The following KSR1 variants were observed in gnomAD, a reference collection of about 807,000 sequenced individuals.
The protein encoded by KSR1 is kinase suppressor of ras.
KSR1 carries 35 observed loss-of-function variants against 92.9 expected under a neutral mutation model. That is an observed-to-expected ratio of 0.38 (90% CI 0.29 to 0.50). The LOEUF (loss-of-function observed/expected upper bound fraction) is 0.50, where lower values mean the gene tolerates loss of function less well. Among genes scored for constraint, KSR1 ranks in the 20% least tolerant of loss-of-function variants. The pLI is 0.94. For synonymous variants in KSR1, 467 were observed against 472.6 expected (o/e 0.99, Z 0.15); for missense variants, 972 against 1,158.5 (o/e 0.84, Z 2.34).
intron 2 of KSR1, among the ~76,000 whole-genome samples, chr17:27,553,876 G>C (rs972169698): frequency 5.3e-5 from 8 of 152,224 alleles, no homozygotes; most frequent in African/African-American, 1.9e-4. Context: ...ATGTGTGGAA[G>C]CCTAGTGATG....
At chr17:27,526,960 C>T in intron 1 of KSR1, 1 of 590,526 alleles carries the variant, frequency 1.7e-6, no homozygotes, top group Non-Finnish European at 3.1e-6. Flanking sequence ...TCTCTCCTTT[C>T]ATGGGCCATA....
At chr17:27,574,922 C>G (rs1017245591) in intron 2 of KSR1, among the ~76,000 whole-genome samples, 1 of 152,224 alleles carries the variant, frequency 6.6e-6, no homozygotes, top group Admixed American at 6.5e-5. Flanking sequence ...TCTCTCTGCT[C>G]TAGTGCGCAT....
intron 2 of KSR1, among the ~76,000 whole-genome samples, chr17:27,560,977 T>A (rs1047357739): frequency 2.0e-5 from 3 of 152,096 alleles, no homozygotes; most frequent in Non-Finnish European, 2.9e-5. Flanking sequence ...GCTCTCCACT[T>A]AGGATGGGGA....
At chr17:27,604,798 AG>A (rs2073694067) in intron 13 of KSR1, 70 bp downstream of exon 13, 1 of 1,477,874 alleles carries the variant, frequency 6.8e-7, no homozygotes. Context: ...CAGAATGCGC[AG>A]GGGGCTTGAG....
At chr17:27,622,497 C>T (rs766286824) in intron 20 of KSR1, 1 of 153,878 alleles carries the variant, frequency 6.5e-6, no homozygotes, top group African/African-American at 2.4e-5. Flanking sequence ...GCTCCTGTCT[C>T]AGTCCCCTCT....
intron 1 of KSR1, among the ~76,000 whole-genome samples, chr17:27,512,207 G>A (rs1473760961): frequency 2.6e-5 from 4 of 152,214 alleles, no homozygotes; most frequent in Non-Finnish European, 5.9e-5. Context: ...AATCTGTGGA[G>A]AAAATGTGTA....
chr17:27,591,719 A>G (rs564391291), intron 7 of KSR1, among the ~76,000 whole-genome samples: 2 of 152,264 alleles, frequency 1.3e-5, no homozygotes, highest in South Asian at 4.1e-4. Flanking sequence ...CACTTGGTTT[A>G]CATTAGGGAC....
At chr17:27,608,099 G>T (rs2073814288) in intron 15 of KSR1, 89 bp downstream of exon 15, 1 of 974,136 alleles carries the variant, frequency 1.0e-6, no homozygotes. Flanking sequence ...CCCTGTTAGG[G>T]TGGTTTGGGC....
At chr17:27,584,902 G>A (rs948971580) in intron 4 of KSR1, among the ~76,000 whole-genome samples, 2 of 152,094 alleles carry the variant, frequency 1.3e-5, no homozygotes, top group African/African-American at 4.8e-5. Context: ...TGTTATCTCT[G>A]CCCTCCTGTC....
rs778429175 is a variant in KSR1 at position 27,456,911 on chromosome 17, G to C, written c.231+37G>C. 2.1e-5 allele frequency: 16 copies of C among 775,216 alleles called. No homozygotes were observed. The Admixed American group carries it at 2.8e-4, about 13-fold the overall frequency. 48.0% of individuals were successfully genotyped at this position (775,216 alleles called of 1,614,324 possible). ...GGGGACCAGGCTGGGCTCGAGGAGC[G>C]GGCCCGGACACCTCCCTCCGGGCCC... On this transcript the variant is annotated intron_variant, in intron 1 of 20. Coordinates refer to ENST00000644974, the MANE Select transcript of KSR1 (RefSeq NM_001394583.1).
At chr17:27,529,538 T>C (rs1168627211) in intron 1 of KSR1, among the ~76,000 whole-genome samples, 1 of 152,262 alleles carries the variant, frequency 6.6e-6, no homozygotes, top group Non-Finnish European at 1.5e-5. Context: ...GCTCCTGCCA[T>C]GCTCCTGCCA....
intron 1 of KSR1, among the ~76,000 whole-genome samples, chr17:27,460,619 C>A (rs1161502070): frequency 2.0e-5 from 3 of 152,108 alleles, no homozygotes; most frequent in African/African-American, 7.2e-5. Flanking sequence ...GCCCTGGAGC[C>A]GCAGGGGGTC....
chr17:27,588,376 G>GC lies in KSR1; in HGVS notation c.986-93dup, dbSNP rs374032925. On this transcript the variant is annotated intron_variant, in intron 5 of 20. Coordinates refer to ENST00000644974, the MANE Select transcript of KSR1 (RefSeq NM_001394583.1). The stretch of plus-strand genomic sequence containing the variant: ...AGATGCTTATATAATAAACCATTGC[G>GC]CCCCCCTCTAGCCTGTGGTCTCTGA... 15 of 981,564 alleles carry GC rather than the reference G, an allele frequency of 1.5e-5. No homozygotes were observed. In the East Asian group the frequency reaches 3.6e-4, roughly 24 times the overall value. 60.8% of individuals were successfully genotyped at this position (981,564 alleles called of 1,614,324 possible).
chr17:27,482,913 C>T (rs1182493146), intron 1 of KSR1, among the ~76,000 whole-genome samples: 1 of 18,546 alleles, frequency 5.4e-5, no homozygotes, highest in Non-Finnish European at 8.9e-5. Flanking sequence ...AATAAACCTA[C>T]ATGTCTCGTG....
At position 27,509,089 on chromosome 17, in the gene KSR1, C is replaced by T. The variant is rs1464545319; in HGVS notation, c.232-41479C>T. On this transcript the variant is annotated intron_variant, in intron 1 of 20. Transcript: ENST00000644974. ...GCCAGGTGCAGAGGGTTTGGGCAGC[C>T]AGGCCTGATGCTCCAGTGGATCCTC... 5.1e-4 allele frequency among the ~76,000 whole-genome samples: 78 copies of T among 152,096 alleles called. 2 individuals are homozygous for T. Among genetic ancestry groups the T allele is most frequent in the Admixed American group, 5.1e-3 (78 of 15,266 alleles).
At chr17:27,604,825 G>C in intron 13 of KSR1, 97 bp downstream of exon 13, 1 of 1,311,178 alleles carries the variant, frequency 7.6e-7, no homozygotes, top group Non-Finnish European at 1.1e-6. Flanking sequence ...GTGGGTTCTG[G>C]ACTTTGGCAA....
chr17:27,494,437 C>G (rs944874842), intron 1 of KSR1, among the ~76,000 whole-genome samples: 2 of 152,090 alleles, frequency 1.3e-5, no homozygotes, highest in African/African-American at 2.4e-5. Context: ...GTGAGATTAA[C>G]TAGAATGTAT....
Position 27,456,654 on chromosome 17 carries a change from C to A in KSR1, c.11C>A (p.Ala4Glu), listed in dbSNP as rs1309682349. 3.2e-6 allele frequency: 2 copies of A among 627,426 alleles called. No individual in the cohort carries two copies. The highest frequency in any genetic ancestry group is 3.0e-5 in the East Asian group (1 of 33,666). The allele number at this position is 627,426 out of a possible 1,614,324, so 38.9% of individuals were successfully genotyped here. A position where few individuals can be genotyped will look rare whatever the true frequency, so the allele number is the denominator to read the frequency against. The change falls in exon 1 of 21, where the codon GCA becomes GAA. Residue 4 changes from alanine to glutamate, a missense_variant. By Grantham distance (107) the Ala-to-Glu change is moderately radical. Transcript: ENST00000644974. MDR[A>E]ALRAAAMGEK... Reference sequence around the variant, plus strand: ...CCCCGATGCCGAGGCATGGATAGAGCAGCGCTGCGCGCGGCGGCGATGGGA... The same window carrying A: ...CCCCGATGCCGAGGCATGGATAGAGAAGCGCTGCGCGCGGCGGCGATGGGA...
intron 1 of KSR1, chr17:27,527,061 G>C: frequency 2.2e-6 from 1 of 446,656 alleles, no homozygotes; most frequent in South Asian, 2.5e-5. Flanking sequence ...TTGCATTCGT[G>C]GGTCAGCGCC....
Sources: allele counts gnomAD v4.1 joint callset (sites outside exome capture counted in the v4.1 genomes callset), GRCh38; gene constraint gnomAD v4.1.1; transcripts MANE v1.5; gene names NCBI Gene and HGNC (gene_info 2026-07-23, HGNC 2026-07-21).